FRMD4A: variants seen among roughly 807,000 people sequenced by gnomAD.
The protein encoded by FRMD4A is FERM domain-containing protein 4A.
A neutral mutation model predicts 129.1 loss-of-function variants in FRMD4A; 29 were observed. The ratio of observed to expected loss-of-function variants is 0.22; its 90% CI spans 0.17 to 0.31. FRMD4A has a LOEUF of 0.31. FRMD4A is among the 10% of genes least tolerant of loss of function. The pLI, the probability that FRMD4A is intolerant of heterozygous loss-of-function variation, is 1.00. For missense variants in FRMD4A, 1,272 were observed against 1,375.8 expected, an observed-to-expected ratio of 0.92 and a Z score of 1.19; for synonymous variants, 634 against 571.6, an observed-to-expected ratio of 1.11 and a Z score of -1.56.
rs1168489802 is a variant in FRMD4A, at chr10:13,699,224, G to GTTTTTTTTTTTTT, written c.975+2103_975+2115dup. ...ATGCCTGCCACGATGCTTGGTTATT[G>GTTTTTTTTTTTTT]TTTTTTTTTTTTTTTTTTTTTTTTG... On this transcript the variant is annotated intron_variant, in intron 14 of 24. Coordinates refer to ENST00000357447, the MANE Select transcript of FRMD4A (RefSeq NM_018027.5). Among the ~76,000 whole-genome samples, 144 of 76,242 alleles carry GTTTTTTTTTTTTT rather than the reference G, an allele frequency of 1.9e-3. 1 individual carries two copies. Among genetic ancestry groups the GTTTTTTTTTTTTT allele is most frequent in the East Asian group, 6.2e-3 (12 of 1,938 alleles). 50.0% of individuals were successfully genotyped at this position (76,242 alleles called of 152,430 possible).
rs943243060 is a variant in FRMD4A at position 13,785,881 on chromosome 10, C to T, written c.300-2875G>A. Among the ~76,000 whole-genome samples, 248 of 149,398 alleles carry T rather than the reference C, an allele frequency of 1.7e-3. 7 individuals carry two copies. The highest frequency in any genetic ancestry group is 4.1e-4 in the Non-Finnish European group (28 of 67,830). The stretch of plus-strand genomic sequence containing the variant: ...GTAAGAACATGTGGTGTTTGGTTTT[C>T]TGTCCTTGTGACAGTTTGCTCAGAA... On this transcript the variant is annotated intron_variant, in intron 5 of 24. Coordinates refer to ENST00000357447, the MANE Select transcript of FRMD4A (RefSeq NM_018027.5).
chr10:13,717,695 T>G (rs1338622419), intron 12 of FRMD4A, among the ~76,000 whole-genome samples: 11 of 65,918 alleles, frequency 1.7e-4, no homozygotes, highest in Admixed American at 1.1e-3. Flanking sequence ...TGTTCTTGTT[T>G]TTTTTTTTTT....
intron 15 of FRMD4A, among the ~76,000 whole-genome samples, chr10:13,680,281 A>ACT (rs1192201556): frequency 2.6e-5 from 4 of 151,422 alleles, no homozygotes; most frequent in Non-Finnish European, 4.4e-5. Context: ...ACATGGTGAG[A>ACT]CTCTGTCTCT....
At position 13,919,312 on chromosome 10, in the gene FRMD4A, C is replaced by T. The variant is rs999658921; in HGVS notation, c.46-60400G>A. Among the ~76,000 whole-genome samples, 4 of 152,318 alleles carry T rather than the reference C, an allele frequency of 2.6e-5. No homozygotes were observed. The East Asian group carries it at 7.7e-4, about 29-fold the overall frequency. ...AGGAAGCTGTTCAGTCATCATGGTA[C>T]TAATGAGTTAATAAGTAAGTAGATG... On this transcript the variant is annotated intron_variant, in intron 2 of 24. Coordinates refer to ENST00000357447, the MANE Select transcript of FRMD4A (RefSeq NM_018027.5).
intron 2 of FRMD4A, among the ~76,000 whole-genome samples, chr10:14,319,349 C>CCTCTCTCTCTCTCTCTCTCTCTCTCT (rs10645584): frequency 0.031 from 4,307 of 136,886 alleles, 133 homozygotes; most frequent in Admixed American, 0.054. Context: ...ATCTCTCTCT[C>CCTCTCTCTCTCTCTCTCTCTCTCTCT]CTCTCTCTCT....
intron 2 of FRMD4A, among the ~76,000 whole-genome samples, chr10:14,220,750 T>C (rs560203590): frequency 1.2e-4 from 18 of 151,976 alleles, no homozygotes; most frequent in African/African-American, 4.3e-4. Context: ...AGCCCTGGCA[T>C]ACAAGAGGCA....
chr10:14,183,599 T>G (rs1841979965), intron 2 of FRMD4A, among the ~76,000 whole-genome samples: 1 of 152,070 alleles, frequency 6.6e-6, no homozygotes, highest in African/African-American at 2.4e-5. Context: ...CAAAGGAAAG[T>G]AATTGCTTGA....
At chr10:14,322,467 G>A (rs1167930703) in intron 2 of FRMD4A, among the ~76,000 whole-genome samples, 5 of 152,218 alleles carry the variant, frequency 3.3e-5, no homozygotes, top group Non-Finnish European at 7.3e-5. Context: ...GTTACTAGGA[G>A]CTTGGGGCAA....
intron 2 of FRMD4A, chr10:13,890,591 G>A: frequency 1.0e-6 from 1 of 985,136 alleles, no homozygotes; most frequent in South Asian, 4.7e-5. Context: ...TTAGAAATGT[G>A]CCTGTCTAGG....
chr10:14,212,327 G>T (rs573959588), intron 2 of FRMD4A, among the ~76,000 whole-genome samples: 64 of 152,266 alleles, frequency 4.2e-4, no homozygotes, highest in African/African-American at 1.4e-3. Flanking sequence ...TCTAGGGAAA[G>T]GTGGAACAGC....
intron 2 of FRMD4A, among the ~76,000 whole-genome samples, chr10:14,112,256 A>G (rs554801471): frequency 1.9e-4 from 29 of 152,054 alleles, no homozygotes; most frequent in Non-Finnish European, 3.5e-4. Flanking sequence ...TTAATTCTCT[A>G]AGTAATTAGG....
rs921895547 is a variant in FRMD4A at position 13,660,547 on chromosome 10, G to A, written c.1667C>T (p.Ser556Phe). ...GGGGGATATTGTGCTGGTAACCTGA[G>A]AGTCTTCTGCACAAAGACAGGAAGA... ...SDALVLEDEDSQVTSTISPLH... is the reference protein window; with the variant it reads ...SDALVLEDEDFQVTSTISPLH... Residue 556 changes from serine (S) to phenylalanine (F), a missense_variant, in exon 20 of 25, where the codon TCT (serine) becomes TTT (phenylalanine). Coordinates refer to ENST00000357447, the MANE Select transcript of FRMD4A (RefSeq NM_018027.5). 22 of 1,591,470 alleles carry A rather than the reference G, an allele frequency of 1.4e-5. No homozygotes were observed. Among genetic ancestry groups the A allele is most frequent in the Non-Finnish European group, 1.8e-5 (21 of 1,161,950 alleles).
intron 2 of FRMD4A, among the ~76,000 whole-genome samples, chr10:13,947,809 A>G (rs2131325878): frequency 6.6e-6 from 1 of 152,236 alleles, no homozygotes; most frequent in Middle Eastern, 3.4e-3. Flanking sequence ...GTTATTCTCC[A>G]TGTCATCCAG....
intron 12 of FRMD4A, chr10:13,710,587 T>C (rs1327236079): frequency 6.6e-6 from 1 of 152,248 alleles, no homozygotes; most frequent in Non-Finnish European, 1.5e-5. Flanking sequence ...TGCAGAACAA[T>C]GGATTCCCCC....
At chr10:13,845,098 C>T (rs12356065) in intron 3 of FRMD4A, among the ~76,000 whole-genome samples, 2 of 152,150 alleles carry the variant, frequency 1.3e-5, no homozygotes, top group Non-Finnish European at 2.9e-5. Flanking sequence ...TTACATGATA[C>T]TGGGACGCAA....
chr10:13,663,282 C>T (rs543354342), intron 19 of FRMD4A, among the ~76,000 whole-genome samples, 171 bp downstream of exon 19: 118 of 124,664 alleles, frequency 9.5e-4, no homozygotes, highest in Non-Finnish European at 1.8e-3. Context: ...GCAGCACCTA[C>T]CCACTCCCAA....
At chr10:14,071,134 G>A (rs1835299776) in intron 2 of FRMD4A, among the ~76,000 whole-genome samples, 2 of 152,216 alleles carry the variant, frequency 1.3e-5, no homozygotes, top group East Asian at 3.9e-4. Context: ...CCTTTCTGAT[G>A]CCTATGTGGC....
intron 2 of FRMD4A, among the ~76,000 whole-genome samples, chr10:14,138,419 C>T (rs1292914268): frequency 6.6e-6 from 1 of 152,138 alleles, no homozygotes. Context: ...TAAATTCAAC[C>T]TGCTTTACTA....
At chr10:13,919,849 G>A (rs578219915) in intron 2 of FRMD4A, among the ~76,000 whole-genome samples, 2 of 152,152 alleles carry the variant, frequency 1.3e-5, no homozygotes, top group South Asian at 4.2e-4. Flanking sequence ...GAGGCAGGAG[G>A]ATTGCTTGAA....
Sources: gnomAD v4.1 joint callset for allele counts (sites outside exome capture counted in the v4.1 genomes callset) on GRCh38, gnomAD v4.1.1 for gene constraint, MANE v1.5 for transcripts, NCBI Gene and HGNC (gene_info 2026-07-23, HGNC 2026-07-21) for gene names.